VRK3: variants seen among roughly 807,000 people sequenced by gnomAD.
VRK3 encodes the protein serine/threonine-protein kinase VRK3.
In VRK3, 50 loss-of-function variants were observed where a neutral mutation model predicts 60.4. That is an observed-to-expected ratio of 0.83 (90% CI 0.66 to 1.05). VRK3 has a LOEUF of 1.05. Among genes scored for constraint, VRK3 ranks in the 50% least tolerant of loss-of-function variants. VRK3 has a pLI of 0.00. For missense variants in VRK3, 549 were observed against 585.3 expected (o/e 0.94, Z 0.64); for synonymous variants, 246 against 227.8 (o/e 1.08, Z -0.72).
At chr19:49,986,320 T>C (rs945046276) in intron 12 of VRK3, 4 of 153,026 alleles carry the variant, frequency 2.6e-5, no homozygotes, top group African/African-American at 9.7e-5. Flanking sequence ...GTGCCATTTA[T>C]ACAAATTAAC....
chr19:50,002,371 C>A (rs1436718261), intron 5 of VRK3, among the ~76,000 whole-genome samples: 4 of 152,030 alleles, frequency 2.6e-5, no homozygotes, highest in Non-Finnish European at 4.4e-5. Flanking sequence ...TATGCAGGAC[C>A]CGCATCTCGG....
At chr19:49,992,804 A>T in intron 10 of VRK3, 56 bp downstream of exon 10, 1 of 1,518,760 alleles carries the variant, frequency 6.6e-7, no homozygotes, top group Non-Finnish European at 9.1e-7. Context: ...AGATTTGGAG[A>T]CAGATGGGAA....
chr19:50,014,367 G>A (rs973172447), intron 3 of VRK3, among the ~76,000 whole-genome samples: 3 of 152,034 alleles, frequency 2.0e-5, no homozygotes, highest in Non-Finnish European at 4.4e-5. Context: ...GAGACCAGCC[G>A]GCCAACATGG....
intron 12 of VRK3, among the ~76,000 whole-genome samples, chr19:49,983,767 G>A (rs986146308): frequency 1.3e-5 from 2 of 152,238 alleles, no homozygotes; most frequent in African/African-American, 4.8e-5. Flanking sequence ...AACCGTCCTA[G>A]CGCAGGGCAC....
chr19:49,978,034 AG>A, intron 14 of VRK3, among the ~76,000 whole-genome samples: 1 of 152,290 alleles, frequency 6.6e-6, no homozygotes, highest in Non-Finnish European at 1.5e-5. Context: ...GCCGGGAGAC[AG>A]GCCGTCAAAA....
chr19:50,014,120 A>G (rs900042756), intron 3 of VRK3, among the ~76,000 whole-genome samples: 1 of 152,116 alleles, frequency 6.6e-6, no homozygotes, highest in Non-Finnish European at 1.5e-5. Context: ...TATAAAAATC[A>G]GCCGGGCATG....
At position 49,989,639 on chromosome 19, in the gene VRK3, C is replaced by T. The variant is rs764475786; in HGVS notation, c.1096G>A (p.Gly366Arg). ...CCCAAACCCATCCCTGGCCTCGTAC[C>T]GCATCCCTTGTGCAGGTCCATGCTA... ...FISMDLHKGC[G>R]PSRRSDLQSL... Residue 366 changes from glycine (G) to arginine (R), a missense_variant and splice_region_variant, in exon 11 of 15, where the codon GGG becomes AGG. Gly to Arg is a moderately radical substitution (Grantham distance 125, BLOSUM62 -2). Coordinates refer to ENST00000316763, the MANE Select transcript of VRK3 (RefSeq NM_016440.4). 40 of 1,606,240 alleles carry T rather than the reference C, an allele frequency of 2.5e-5. No homozygotes were observed. Among genetic ancestry groups the T allele is most frequent in the African/African-American group, 6.7e-5 (5 of 74,794 alleles).
chr19:50,010,014 ACCAC>A (rs1037713404), intron 3 of VRK3, among the ~76,000 whole-genome samples: 1 of 151,762 alleles, frequency 6.6e-6, no homozygotes, highest in African/African-American at 2.4e-5. Context: ...TGCTGTTTAA[ACCAC>A]CCACCGAGTT....
chr19:49,988,542 A>T lies in VRK3; in HGVS notation c.1097-50T>A, dbSNP rs1290320697. On this transcript the variant is annotated intron_variant, in intron 11 of 14. Transcript: ENST00000316763. ...CAGCTCAAGTCTGGACGCTCCACTCACTGGTGGGTCCACCCCCCTTCCTTC... is the reference window on the plus strand; with the variant it reads ...CAGCTCAAGTCTGGACGCTCCACTCTCTGGTGGGTCCACCCCCCTTCCTTC... 1.5e-5 allele frequency: 24 copies of T among 1,596,062 alleles called. No homozygotes were observed. The East Asian group carries it at 5.2e-4, about 34-fold the overall frequency.
chr19:50,006,753 T>C (rs1229062542), intron 5 of VRK3, among the ~76,000 whole-genome samples: 2 of 152,208 alleles, frequency 1.3e-5, no homozygotes, highest in Non-Finnish European at 2.9e-5. Flanking sequence ...GAAAAACCCA[T>C]GTAAAGTGCT....
chr19:49,986,625 A>C (rs2076520781), intron 12 of VRK3: 1 of 152,362 alleles, frequency 6.6e-6, no homozygotes, highest in African/African-American at 2.4e-5. Context: ...GGAGACACGA[A>C]GGGAGTAAAA....
intron 5 of VRK3, among the ~76,000 whole-genome samples, chr19:50,006,824 T>C (rs1183253153): frequency 1.3e-5 from 2 of 152,230 alleles, no homozygotes; most frequent in Admixed American, 6.5e-5. Context: ...CTAATACTAC[T>C]GCCATAATTA....
rs16981617 is a variant in VRK3, at chr19:49,980,977, G to T, written c.1254C>A (p.Cys418Ter). The T allele has an allele frequency of 6.2e-7, 1 of 1,611,470 alleles. No individual in the cohort carries two copies. The highest frequency in any genetic ancestry group is 1.3e-5 in the African/African-American group (1 of 74,928). Residue 418 changes from cysteine to a stop codon, truncating the protein, a stop_gained, in exon 13 of 15, where the codon TGC becomes TGA. Coordinates refer to ENST00000316763, the MANE Select transcript of VRK3 (RefSeq NM_016440.4). LOFTEE classifies it high-confidence loss of function. ...TACCTGAGGGCCTGATCCAGTGACC[G>T]CAGGGTCCCACGAAGGGCCCCGGCT... ...VDKPGPFVGP[C>*]GHWIRPSETL...
intron 1 of VRK3, among the ~76,000 whole-genome samples, chr19:50,021,016 G>A (rs142739378): frequency 6.6e-6 from 1 of 152,326 alleles, no homozygotes; most frequent in African/African-American, 2.4e-5. Flanking sequence ...ACACAGGGTG[G>A]CCAAGGAGGG....
At chr19:50,008,582 G>A (rs2076941579) in intron 4 of VRK3, among the ~76,000 whole-genome samples, 1 of 152,194 alleles carries the variant, frequency 6.6e-6, no homozygotes, top group South Asian at 2.1e-4. Context: ...GCACTGGCTG[G>A]GCAGAGGGTA....
At chr19:50,023,816 C>G (rs543978413) in intron 1 of VRK3, among the ~76,000 whole-genome samples, 2 of 152,290 alleles carry the variant, frequency 1.3e-5, no homozygotes, top group Admixed American at 6.5e-5. Context: ...ACTCAAAGCT[C>G]AGGGCCGGAA....
chr19:50,005,580 A>C (rs530970830), intron 5 of VRK3, among the ~76,000 whole-genome samples: 1 of 150,000 alleles, frequency 6.7e-6, no homozygotes, highest in East Asian at 1.9e-4. Context: ...GCAAATATTC[A>C]TGGCAGCGTT....
At chr19:49,988,633 C>T in intron 11 of VRK3, 141 bp from the exon 12 acceptor site, 2 of 1,169,662 alleles carry the variant, frequency 1.7e-6, no homozygotes, top group Non-Finnish European at 2.3e-6. Flanking sequence ...GGGCTGTCTC[C>T]TCCGCTCATT....
intron 12 of VRK3, among the ~76,000 whole-genome samples, chr19:49,985,107 C>T (rs1056965053): frequency 1.6e-4 from 24 of 152,186 alleles, no homozygotes; most frequent in Non-Finnish European, 2.1e-4. Flanking sequence ...CTTGTGAGAA[C>T]AGCTCAGTCT....
Sources: allele counts gnomAD v4.1 joint callset (sites outside exome capture counted in the v4.1 genomes callset), GRCh38; gene constraint gnomAD v4.1.1; transcripts MANE v1.5; gene names NCBI Gene and HGNC (gene_info 2026-07-23, HGNC 2026-07-21).